SPATA13: variants seen among roughly 807,000 people sequenced by gnomAD.
The protein encoded by SPATA13 is spermatogenesis-associated protein 13.
Under a neutral mutation model 104.0 loss-of-function variants are expected in SPATA13, and 50 were observed. The ratio of observed to expected loss-of-function variants is 0.48; its 90% confidence interval spans 0.38 to 0.61. The LOEUF (loss-of-function observed/expected upper bound fraction) is 0.61. SPATA13 is among the 20% of genes least tolerant of loss of function. The probability of loss-of-function intolerance (pLI) is 0.00; values close to 1 mark genes in which losing one functional copy is unlikely to be tolerated. For synonymous variants in SPATA13, 606 were observed against 667.5 expected (o/e 0.91, Z 1.42); for missense variants, 1,524 against 1,690.6 (o/e 0.90, Z 1.73).
At chr13:24,140,386 AG>A in intron 3 of SPATA13, among the ~76,000 whole-genome samples, 1 of 152,370 alleles carries the variant, frequency 6.6e-6, no homozygotes, top group East Asian at 1.9e-4. Flanking sequence ...AAAATATAAA[AG>A]GTTCATTGAA....
chr13:24,225,706 T>G (rs1473448526), intron 2 of SPATA13, among the ~76,000 whole-genome samples: 1 of 152,152 alleles, frequency 6.6e-6, no homozygotes, highest in Non-Finnish European at 1.5e-5. Context: ...GTTATAGTGT[T>G]ACAACTTTAG....
At chr13:24,014,641 G>T (rs1384836873) in intron 2 of SPATA13, among the ~76,000 whole-genome samples, 1 of 152,194 alleles carries the variant, frequency 6.6e-6, no homozygotes, top group Admixed American at 6.5e-5. Flanking sequence ...CTGTTAGTTT[G>T]TAACAAAATA....
intron 2 of SPATA13, among the ~76,000 whole-genome samples, chr13:24,245,584 C>CTTT (rs61316306): frequency 0.047 from 4,122 of 88,554 alleles, 363 homozygotes; most frequent in African/African-American, 0.12. Flanking sequence ...ACAGTTGTTT[C>CTTT]TTTTTTTTTT....
intron 3 of SPATA13, among the ~76,000 whole-genome samples, chr13:24,103,504 A>AAAAAAAAAAAAAAAAAAAAAAAG (rs1458068316): frequency 1.7e-5 from 2 of 115,612 alleles, no homozygotes; most frequent in Non-Finnish European, 1.8e-5. Context: ...AAAAAAAAAC[A>AAAAAAAAAAAAAAAAAAAAAAAG]AGAAAGAAAA....
chr13:23,987,279 A>G (rs1875194238), intron 2 of SPATA13, among the ~76,000 whole-genome samples: 2 of 152,138 alleles, frequency 1.3e-5, no homozygotes, highest in African/African-American at 4.8e-5. Context: ...TTTCATGGCT[A>G]GCTATTAGAA....
intron 4 of SPATA13, among the ~76,000 whole-genome samples, chr13:24,273,876 G>A (rs903035875): frequency 7.2e-5 from 11 of 152,158 alleles, no homozygotes; most frequent in African/African-American, 2.7e-4. Flanking sequence ...TTTAAATAGA[G>A]ATGGGATCTT....
intron 3 of SPATA13, among the ~76,000 whole-genome samples, chr13:24,116,970 G>A (rs1007960520): frequency 2.0e-5 from 3 of 152,184 alleles, no homozygotes; most frequent in Non-Finnish European, 2.9e-5. Flanking sequence ...AGAGAGTACT[G>A]ACCAGGAACT....
chr13:24,239,603 G>A (rs1291201991), intron 2 of SPATA13, among the ~76,000 whole-genome samples: 1 of 145,276 alleles, frequency 6.9e-6, no homozygotes, highest in Non-Finnish European at 1.5e-5. Flanking sequence ...GCTGAGGTAG[G>A]AGAATCACCT....
chr13:24,222,935 C>T lies in SPATA13; in HGVS notation c.6C>T (p.Thr2=), dbSNP rs752669841. 6.4e-7 allele frequency: 1 copy of T among 1,551,056 alleles called. No individual in the cohort carries two copies. The highest frequency in any genetic ancestry group is 8.7e-7 in the Non-Finnish European group (1 of 1,146,690). The change falls in exon 2 of 13, where the codon ACC becomes ACT. Residue 2 remains threonine, a synonymous_variant. Coordinates refer to ENST00000382108, the MANE Select transcript of SPATA13 (RefSeq NM_001166271.3). M[T]QAAVRPWAPC... is the part of the protein sequence containing the mutation. ...ACTCGGCAGTGCCCGTGGCCATGAC[C>T]CAGGCTGCCGTGCGGCCCTGGGCAC...
At chr13:24,071,745 T>C (rs1879169722) in intron 3 of SPATA13, among the ~76,000 whole-genome samples, 1 of 152,202 alleles carries the variant, frequency 6.6e-6, no homozygotes, top group African/African-American at 2.4e-5. Flanking sequence ...GGGCATTTAG[T>C]GAGGAGGAGG....
At chr13:24,236,338 T>C (rs1872563558) in intron 2 of SPATA13, among the ~76,000 whole-genome samples, 1 of 152,120 alleles carries the variant, frequency 6.6e-6, no homozygotes, top group Non-Finnish European at 1.5e-5. Context: ...TAGACATTTC[T>C]CTAAAGAAGA....
At position 24,249,433 on chromosome 13, in the gene SPATA13, C is replaced by A. The variant is rs532843685; in HGVS notation, c.1654-44C>A. On this transcript the variant is annotated intron_variant, in intron 2 of 12. Transcript: ENST00000382108. ...TGTATGGCTTGTTCTTTCTTTAATA[C>A]CTTCCTGGATATTGAGCTCACCTGA... 150 of 1,464,680 alleles carry A rather than the reference C, an allele frequency of 1.0e-4. No homozygotes were observed. The African/African-American group carries it at 1.9e-3, about 18-fold the overall frequency. 90.7% of individuals were successfully genotyped at this position (1,464,680 alleles called of 1,614,324 possible).
chr13:24,107,765 C>G (rs1880501382), intron 3 of SPATA13, among the ~76,000 whole-genome samples: 1 of 152,168 alleles, frequency 6.6e-6, no homozygotes, highest in Admixed American at 6.5e-5. Context: ...TCTCCTCTTT[C>G]TGTTTTAGAC....
chr13:23,981,863 TA>T (rs554475153), intron 1 of SPATA13, among the ~76,000 whole-genome samples: 32 of 152,342 alleles, frequency 2.1e-4, no homozygotes, highest in African/African-American at 7.2e-4. Context: ...GTGAATTTCT[TA>T]AAAACAATAA....
At chr13:24,184,233 T>A (rs1310987306) in intron 1 of SPATA13, among the ~76,000 whole-genome samples, 3 of 152,198 alleles carry the variant, frequency 2.0e-5, no homozygotes, top group Non-Finnish European at 4.4e-5. Flanking sequence ...ATCATTTGGA[T>A]GTGGAAATTC....
At chr13:24,024,947 TATATATATAA>T (rs1877143966) in intron 3 of SPATA13, among the ~76,000 whole-genome samples, 1 of 148,802 alleles carries the variant, frequency 6.7e-6, no homozygotes, top group Non-Finnish European at 1.5e-5. Context: ...TATATATAAA[TATATATATAA>T]ATATATATAT....
intron 3 of SPATA13, among the ~76,000 whole-genome samples, chr13:24,142,807 A>G (rs1402529009): frequency 6.6e-6 from 1 of 151,814 alleles, no homozygotes; most frequent in African/African-American, 2.4e-5. Context: ...AAGCTTAGGC[A>G]TTTGGAATCA....
intron 2 of SPATA13, among the ~76,000 whole-genome samples, chr13:23,990,689 C>A (rs1307860981): frequency 6.6e-6 from 1 of 152,212 alleles, no homozygotes; most frequent in Non-Finnish European, 1.5e-5. Flanking sequence ...AAAGGGTGCA[C>A]CCCACGAAGC....
chr13:24,110,740 A>C (rs1880612837), intron 3 of SPATA13, among the ~76,000 whole-genome samples: 1 of 152,176 alleles, frequency 6.6e-6, no homozygotes, highest in African/African-American at 2.4e-5. Flanking sequence ...ACCTAGGATA[A>C]CTGAGCAATA....
Sources: gnomAD v4.1 joint callset for allele counts (sites outside exome capture counted in the v4.1 genomes callset) on GRCh38, gnomAD v4.1.1 for gene constraint, MANE v1.5 for transcripts, NCBI Gene and HGNC (gene_info 2026-07-23, HGNC 2026-07-21) for gene names.